The following CYRIA variants were observed in gnomAD, a reference collection of about 807,000 sequenced individuals.
CYRIA encodes CYFIP related Rac1 interactor A, also known as CYFIP-related Rac1 interactor A.
A neutral mutation model predicts 43.9 loss-of-function variants in CYRIA; 15 were observed. The ratio of observed to expected loss-of-function variants is 0.34; its 90% CI spans 0.23 to 0.53. The LOEUF (loss-of-function observed/expected upper bound fraction) is 0.53, where lower values mean the gene tolerates loss of function less well. Ranked by LOEUF, CYRIA falls within the 20% of genes least tolerant of loss-of-function variation. The probability of loss-of-function intolerance (pLI) is 0.94; values close to 1 mark genes in which losing one functional copy is unlikely to be tolerated. For synonymous variants in CYRIA, 117 were observed against 136.0 expected (o/e 0.86, Z 0.97); for missense variants, 236 against 394.2 (o/e 0.60, Z 3.40).
chr2:16,560,709 C>T, intron 9 of CYRIA: 1 of 460,148 alleles, frequency 2.2e-6, no homozygotes, highest in East Asian at 4.0e-5. Context: ...TTGGTTCTTA[C>T]AGATCTTCTA....
At chr2:16,647,519 C>G (rs759282616) in intron 1 of CYRIA, among the ~76,000 whole-genome samples, 2 of 152,170 alleles carry the variant, frequency 1.3e-5, no homozygotes, top group African/African-American at 4.8e-5. Flanking sequence ...GAGCTTAGCA[C>G]ACGATGTGTC....
Position 16,560,994 on chromosome 2 carries a change from T to A in CYRIA, c.706A>T (p.Thr236Ser), listed in dbSNP as rs765799244. 6.2e-7 allele frequency: 1 copy of A among 1,613,540 alleles called. No individual in the cohort carries two copies. Among genetic ancestry groups the A allele is most frequent in the Non-Finnish European group, 8.5e-7 (1 of 1,179,618 alleles). ...MTSVCKVMLETPEYRSRFTSE... is the reference protein window; with the variant it reads ...MTSVCKVMLESPEYRSRFTSE... ...TACATCTCTGATTTAACTTACGGAG[T>A]TTCCAGCATGACTTTACAGACACTT... Residue 236 changes from threonine (T) to serine (S), a missense_variant, in exon 9 of 12, where the codon ACT (threonine) becomes TCT (serine). This residue lies in a region of CYRIA where 193 missense variants were observed against 303.9 expected (regional missense o/e 0.64). Transcript: ENST00000381323.
At chr2:16,651,445 T>A (rs1669974672) in intron 1 of CYRIA, among the ~76,000 whole-genome samples, 1 of 152,034 alleles carries the variant, frequency 6.6e-6, no homozygotes. Flanking sequence ...CTGGAAAAAA[T>A]CCCTAAACAG....
chr2:16,555,309 T>C (rs1029654219), intron 10 of CYRIA, among the ~76,000 whole-genome samples, 170 bp from the exon 11 acceptor site: 3 of 152,166 alleles, frequency 2.0e-5, no homozygotes, highest in African/African-American at 7.2e-5. Flanking sequence ...GCTGTTCCTC[T>C]GGGCTTCTAG....
chr2:16,569,282 C>T (rs889216808), intron 3 of CYRIA, among the ~76,000 whole-genome samples: 6 of 152,160 alleles, frequency 3.9e-5, no homozygotes, highest in African/African-American at 1.4e-4. Flanking sequence ...TAAGACAGGA[C>T]CCTCAGTCCT....
intron 1 of CYRIA, among the ~76,000 whole-genome samples, chr2:16,633,763 GA>G (rs778197723): frequency 1.3e-5 from 2 of 151,898 alleles, no homozygotes; most frequent in East Asian, 1.9e-4. Context: ...GTCCTCTGCA[GA>G]AAAAAGTTTT....
At chr2:16,629,690 A>G (rs1226084501) in intron 1 of CYRIA, among the ~76,000 whole-genome samples, 1 of 152,078 alleles carries the variant, frequency 6.6e-6, no homozygotes, top group Non-Finnish European at 1.5e-5. Flanking sequence ...AGGAATAGAG[A>G]TATTTTTTAC....
Position 16,561,502 on chromosome 2 carries a change from C to G in CYRIA, c.467G>C (p.Ser156Thr). 6.2e-7 allele frequency: 1 copy of G among 1,613,784 alleles called. No individual in the cohort carries two copies. Among genetic ancestry groups the G allele is most frequent in the Non-Finnish European group, 8.5e-7 (1 of 1,179,786 alleles). ...GCGACTGATTGTTCTTCTGTAGTAG[C>G]TGAAGTCATTCTGAATAGCCGGGTT... ...MRNPAIQNDF[S>T]YYRRTISRNR... Residue 156 changes from serine (S) to threonine (T), a missense_variant, in exon 7 of 12, where the codon AGC becomes ACC. By Grantham distance (58) the Ser-to-Thr change is moderately conservative. Coordinates refer to ENST00000381323, the MANE Select transcript of CYRIA (RefSeq NM_030797.4).
At chr2:16,565,532 G>C (rs1666897534) in intron 4 of CYRIA, 114 bp downstream of exon 4, 1 of 1,243,992 alleles carries the variant, frequency 8.0e-7, no homozygotes, top group South Asian at 2.2e-5. Context: ...GTTCTTCCTG[G>C]TACTCTAGGA....
rs774983606 is a variant in CYRIA, at chr2:16,561,463, T to C, written c.506A>G (p.Asn169Ser). ...RRTISRNRINNMHLDIENEVN... is the reference protein window; with the variant it reads ...RRTISRNRINSMHLDIENEVN... ...GGCGACCCAGGGACTCACGTGCATG[T>C]TGTTGATGCGGTTGCGACTGATTGT... The change falls in exon 7 of 12, where the codon AAC (asparagine) becomes AGC (serine). Residue 169 changes from asparagine to serine, a missense_variant. Asn to Ser is a conservative substitution (Grantham distance 46, BLOSUM62 1). This residue lies in a region of CYRIA where 193 missense variants were observed against 303.9 expected (regional missense o/e 0.64). Transcript: ENST00000381323. 2 of 1,613,760 alleles carry C rather than the reference T, an allele frequency of 1.2e-6. No individual in the cohort carries two copies. Among genetic ancestry groups the C allele is most frequent in the Non-Finnish European group, 1.7e-6 (2 of 1,179,728 alleles).
At chr2:16,593,698 GTTTTTTTT>G (rs201907701) in intron 2 of CYRIA, among the ~76,000 whole-genome samples, 3 of 81,970 alleles carry the variant, frequency 3.7e-5, no homozygotes, top group Non-Finnish European at 8.2e-5. Context: ...GTGTGTGTGT[GTTTTTTTT>G]TGTGTGTGTG....
chr2:16,614,478 G>C (rs1206505129), intron 2 of CYRIA, among the ~76,000 whole-genome samples: 2 of 152,188 alleles, frequency 1.3e-5, no homozygotes, highest in African/African-American at 4.8e-5. Flanking sequence ...CTGTCGTCGG[G>C]GTTCCCAGGC....
At chr2:16,603,104 C>T (rs940721049) in intron 2 of CYRIA, among the ~76,000 whole-genome samples, 3 of 152,104 alleles carry the variant, frequency 2.0e-5, no homozygotes, top group Admixed American at 6.5e-5. Context: ...TTCTGTGGCT[C>T]CCCAGTGCCT....
chr2:16,629,313 G>C (rs1026563100), intron 1 of CYRIA, among the ~76,000 whole-genome samples: 6 of 152,320 alleles, frequency 3.9e-5, no homozygotes, highest in Admixed American at 2.0e-4. Flanking sequence ...ACTGGGCCTA[G>C]TGGGGAAGGA....
At position 16,557,398 on chromosome 2, in the gene CYRIA, C is replaced by T. The variant is rs890725240; in HGVS notation, c.837+2062G>A. 2.6e-5 allele frequency among the ~76,000 whole-genome samples: 4 copies of T among 150,946 alleles called. No individual in the cohort carries two copies. In the Admixed American group the frequency reaches 2.7e-4, roughly 10 times the overall value. ...AAAGCATGCCCTTTGTAAGTACACA[C>T]ACAGTGCCTGCCTCTCTCAGGCCCT... On this transcript the variant is annotated intron_variant, in intron 10 of 11. Transcript: ENST00000381323.
At chr2:16,600,557 T>C (rs900423686) in intron 2 of CYRIA, among the ~76,000 whole-genome samples, 1 of 152,212 alleles carries the variant, frequency 6.6e-6, no homozygotes, top group Admixed American at 6.5e-5. Context: ...CTAGTTAAAT[T>C]AAACAATTTA....
intron 1 of CYRIA, among the ~76,000 whole-genome samples, chr2:16,661,807 T>C (rs991365295): frequency 3.3e-5 from 5 of 152,190 alleles, no homozygotes; most frequent in Admixed American, 1.3e-4. Context: ...ATTCTGGTCC[T>C]GCCACTTCCT....
chr2:16,578,737 G>T (rs921519541), intron 3 of CYRIA, among the ~76,000 whole-genome samples: 1 of 151,882 alleles, frequency 6.6e-6, no homozygotes, highest in African/African-American at 2.4e-5. Context: ...AAGAAAAAAA[G>T]AATTTAAAAA....
At chr2:16,568,863 G>A (rs1221971766) in intron 3 of CYRIA, among the ~76,000 whole-genome samples, 4 of 152,120 alleles carry the variant, frequency 2.6e-5, no homozygotes, top group African/African-American at 7.2e-5. Flanking sequence ...GCAAATCACC[G>A]CTTGATAAGT....
Sources: allele counts gnomAD v4.1 joint callset (sites outside exome capture counted in the v4.1 genomes callset), GRCh38; gene constraint gnomAD v4.1.1; regional missense constraint gnomAD v4.1.1; transcripts MANE v1.5; gene names NCBI Gene and HGNC (gene_info 2026-07-23, HGNC 2026-07-21).